Variants in MMP11 observed in about 807,000 individuals in gnomAD.
MMP11 encodes matrix metallopeptidase 11.
Under a neutral mutation model 49.5 loss-of-function variants are expected in MMP11, and 26 were observed. The ratio of observed to expected loss-of-function variants is 0.52; its 90% CI spans 0.38 to 0.73. The LOEUF is 0.73. MMP11 is among the 30% of genes least tolerant of loss of function. MMP11 has a pLI of 0.00. For synonymous variants in MMP11, 265 were observed against 282.3 expected, an observed-to-expected ratio of 0.94 and a Z score of 0.62; for missense variants, 624 against 671.2, an observed-to-expected ratio of 0.93 and a Z score of 0.78.
At position 23,783,577 on chromosome 22, in the gene MMP11, C is replaced by A; in HGVS notation, c.*33C>A. ...TTGGATGCCCTCAGGGGTGCTGACC[C>A]CTGCCAGGCCACGAATATCAGGCTA... On this transcript the variant is annotated 3_prime_UTR_variant, in exon 8 of 8. Coordinates refer to ENST00000215743, the MANE Select transcript of MMP11 (RefSeq NM_005940.5). The A allele has an allele frequency of 6.2e-7, 1 of 1,611,238 alleles. No homozygotes were observed. The highest frequency in any genetic ancestry group is 2.2e-5 in the East Asian group (1 of 44,786).
At chr22:23,781,538 C>T in intron 6 of MMP11, 129 bp downstream of exon 6, 1 of 886,938 alleles carries the variant, frequency 1.1e-6, no homozygotes, top group Non-Finnish European at 1.7e-6. Context: ...AGCCTGGGGG[C>T]CGAGGGAGAG....
At chr22:23,783,281 C>T (rs552479624) in intron 7 of MMP11, 130 bp from the exon 8 acceptor site, 15 of 1,112,110 alleles carry the variant, frequency 1.3e-5, no homozygotes, top group East Asian at 5.0e-5. Context: ...CTGCAGGACT[C>T]GAGGAACTCA....
intron 1 of MMP11, 21 bp downstream of exon 1, chr22:23,772,999 G>A (rs965017291): frequency 2.7e-5 from 32 of 1,177,232 alleles, no homozygotes; most frequent in South Asian, 3.6e-5. Flanking sequence ...GCCACTCGCC[G>A]GCCGCTCCTC....
chr22:23,777,188 C>T (rs1927441323), intron 1 of MMP11, among the ~76,000 whole-genome samples: 1 of 141,956 alleles, frequency 7.0e-6, no homozygotes, highest in South Asian at 2.4e-4. Flanking sequence ...TTTGGGAGGC[C>T]GAGGCAGGTG....
Position 23,779,316 on chromosome 22 carries a change from T to C in MMP11, c.238T>C (p.Cys80Arg). ...TGCCAGCAGCCTCAGGCCTCCCCGC[T>C]GTGGCGTGCCCGACCCATCTGATGG... ...RPASSLRPPR[C>R]GVPDPSDGLS... The change falls in exon 2 of 8, where the codon TGT becomes CGT. Residue 80 changes from cysteine (C) to arginine (R), a missense_variant. By Grantham distance (180) the Cys-to-Arg change is radical (BLOSUM62 -3). Transcript: ENST00000215743. 6.2e-7 allele frequency: 1 copy of C among 1,612,588 alleles called. No homozygotes were observed. The highest frequency in any genetic ancestry group is 8.5e-7 in the Non-Finnish European group (1 of 1,179,782).
chr22:23,780,434 C>G lies in MMP11; in HGVS notation c.414C>G (p.Ser138Arg). The change falls in exon 3 of 8, where the codon AGC becomes AGG. Residue 138 changes from serine (S) to arginine (R), a missense_variant. Ser to Arg is a moderately radical substitution (Grantham distance 110, BLOSUM62 -1). Coordinates refer to ENST00000215743, the MANE Select transcript of MMP11 (RefSeq NM_005940.5). This position sits in a 1 kb window ranked among gnomAD's most constrained non-coding sequence, Gnocchi z 4.6. ...TGGCAGAGGCCCTAAAGGTATGGAG[C>G]GATGTGACGCCACTCACCTTTACTG... ...QTMAEALKVW[S>R]DVTPLTFTEV... 1 of 1,614,012 alleles carries G rather than the reference C, an allele frequency of 6.2e-7. No homozygotes were observed. The highest frequency in any genetic ancestry group is 8.5e-7 in the Non-Finnish European group (1 of 1,180,028).
chr22:23,778,355 C>G (rs1927490037), intron 1 of MMP11, among the ~76,000 whole-genome samples: 1 of 152,240 alleles, frequency 6.6e-6, no homozygotes, highest in Non-Finnish European at 1.5e-5. Context: ...TAGCTTAGGT[C>G]TGAATCGCCA....
intron 1 of MMP11, among the ~76,000 whole-genome samples, chr22:23,777,188 C>G (rs1927441323): frequency 7.0e-6 from 1 of 141,956 alleles, no homozygotes; most frequent in African/African-American, 2.9e-5. Flanking sequence ...TTTGGGAGGC[C>G]GAGGCAGGTG....
intron 1 of MMP11, among the ~76,000 whole-genome samples, chr22:23,778,837 C>T (rs1311276482): frequency 2.6e-5 from 4 of 152,160 alleles, no homozygotes; most frequent in Non-Finnish European, 4.4e-5. Context: ...GGTGTTCCTT[C>T]GGAGGAAGCT....
chr22:23,778,479 A>G lies in MMP11; in HGVS notation c.109-708A>G, dbSNP rs190530298. On this transcript the variant is annotated intron_variant, in intron 1 of 7. Transcript: ENST00000215743. Reference sequence around the variant, plus strand: ...ACAGATCAGCTCCCACTGTACTCCTAGCCCTGGTGGGGTGTGACCAAAACC... The same window carrying G: ...ACAGATCAGCTCCCACTGTACTCCTGGCCCTGGTGGGGTGTGACCAAAACC... Among the ~76,000 whole-genome samples the G allele has an allele frequency of 1.3e-4, 20 of 152,278 alleles. No homozygotes were observed. The East Asian group carries it at 3.5e-3, about 26-fold the overall frequency.
intron 6 of MMP11, chr22:23,781,725 A>C: frequency 1.6e-6 from 1 of 639,544 alleles, no homozygotes; most frequent in Non-Finnish European, 3.0e-6. Context: ...CAGTGAAGTG[A>C]CTCACTGTGA....
rs745905301 is a variant in MMP11 at position 23,783,634 on chromosome 22, A to G, written c.*90A>G. On this transcript the variant is annotated 3_prime_UTR_variant, in exon 8 of 8. Transcript: ENST00000215743. ...CATGGCCATCTTTGTGGCTGTGGGC[A>G]CCAGGCATGGGACTGAGCCCATGTC... 2 of 1,547,048 alleles carry G rather than the reference A, an allele frequency of 1.3e-6. No individual in the cohort carries two copies. The highest frequency in any genetic ancestry group is 2.7e-5 in the African/African-American group (2 of 73,798).
Position 23,783,402 on chromosome 22 carries a change from T to C in MMP11, c.1334-9T>C. 1 of 1,613,720 alleles carries C rather than the reference T, an allele frequency of 6.2e-7. No individual in the cohort carries two copies. On this transcript the variant is annotated splice_polypyrimidine_tract_variant and intron_variant, in intron 7 of 7. Transcript: ENST00000215743. ...CGCTCGCCCAGGCTTGACCACCTTC[T>C]CTTCTCAGGCTATGCCTACTTCCTG...
rs555955001 is a variant in MMP11, at chr22:23,774,631, G to A, written c.108+1653G>A. Among the ~76,000 whole-genome samples, 7 of 152,226 alleles carry A rather than the reference G, an allele frequency of 4.6e-5. No individual in the cohort carries two copies. The East Asian group carries it at 1.2e-3, about 25-fold the overall frequency. On this transcript the variant is annotated intron_variant, in intron 1 of 7. Transcript: ENST00000215743. The stretch of plus-strand genomic sequence containing the variant: ...ATCCCTGCTTGCCACCTGGCTGTGT[G>A]AGTTGGGCAGGTTGCTTGACCTCTC...
In MMP11 at chr22:23,777,296, G is replaced by A. The variant is rs182612209; in HGVS notation, c.109-1891G>A. Among the ~76,000 whole-genome samples the A allele has an allele frequency of 1.2e-3, 181 of 151,102 alleles. 8 individuals are homozygous for A. Among genetic ancestry groups the A allele is most frequent in the African/African-American group, 4.1e-3 (168 of 40,866 alleles). ...ATTAGCCAGGCGTGAGGCTGGGTGC[G>A]GTGGCGCATGCTTGTAATCCCAGCA... is the stretch of plus-strand genomic sequence containing the variant. On this transcript the variant is annotated intron_variant, in intron 1 of 7. Transcript: ENST00000215743.
In MMP11 at chr22:23,783,685, A is replaced by G. The variant is rs1927732811; in HGVS notation, c.*141A>G. On this transcript the variant is annotated 3_prime_UTR_variant, in exon 8 of 8. Transcript: ENST00000215743. ...TCCTCAGGGGGATGGGGTGGGGTAC[A>G]ACCACCATGACAACTGCCGGGAGGG... is the stretch of plus-strand genomic sequence containing the variant. 1.7e-6 allele frequency: 2 copies of G among 1,196,642 alleles called. No homozygotes were observed. The highest frequency in any genetic ancestry group is 2.0e-5 in the Admixed American group (1 of 50,202). The allele number at this position is 1,196,642 out of a possible 1,614,324, so 74.1% of individuals were successfully genotyped here.
chr22:23,781,708 C>T (rs1927640961), intron 6 of MMP11: 4 of 653,966 alleles, frequency 6.1e-6, no homozygotes, highest in Non-Finnish European at 1.2e-5. Flanking sequence ...CCTCTGGGGC[C>T]CCGAGGCAGT....
intron 6 of MMP11, 92 bp downstream of exon 6, chr22:23,781,501 C>A: frequency 4.0e-6 from 5 of 1,236,288 alleles, no homozygotes; most frequent in Non-Finnish European, 5.7e-6. Context: ...TCCTTAGGGA[C>A]ACAGTGGATA....
intron 7 of MMP11, 153 bp downstream of exon 7, chr22:23,782,636 G>T: frequency 1.1e-6 from 1 of 932,314 alleles, no homozygotes; most frequent in South Asian, 1.7e-5. Context: ...CTCGGTGGCC[G>T]GCTAGTGCTA....
Sources: gnomAD v4.1 joint callset for allele counts (sites outside exome capture counted in the v4.1 genomes callset) on GRCh38, gnomAD v4.1.1 for gene constraint, Gnocchi (gnomAD v3.1) non-coding constraint, MANE v1.5 for transcripts, NCBI Gene and HGNC (gene_info 2026-07-23, HGNC 2026-07-21) for gene names.